The following CTTNBP2 variants were observed in gnomAD, a reference collection of about 807,000 sequenced individuals.
CTTNBP2 encodes the protein cortactin-binding protein 2.
CTTNBP2 carries 108 observed loss-of-function variants against 156.9 expected under a neutral mutation model. The ratio of observed to expected loss-of-function variants is 0.69; its 90% CI spans 0.59 to 0.81. CTTNBP2 has a LOEUF of 0.81. Among genes scored for constraint, CTTNBP2 ranks in the 30% least tolerant of loss-of-function variants. The probability of loss-of-function intolerance (pLI) is 0.00; values close to 1 mark genes in which losing one functional copy is unlikely to be tolerated. For synonymous variants in CTTNBP2, 767 were observed against 751.8 expected, an observed-to-expected ratio of 1.02 and a Z score of -0.33; for missense variants, 1,924 against 2,035.4, an observed-to-expected ratio of 0.95 and a Z score of 1.05.
intron 3 of CTTNBP2, among the ~76,000 whole-genome samples, chr7:117,810,261 C>CA (rs1800191535): frequency 6.6e-6 from 1 of 152,208 alleles, no homozygotes; most frequent in Admixed American, 6.5e-5. Context: ...TGAGACTGGA[C>CA]ATACCACGCA....
At chr7:117,836,028 G>A (rs914702597) in intron 2 of CTTNBP2, among the ~76,000 whole-genome samples, 3 of 152,120 alleles carry the variant, frequency 2.0e-5, no homozygotes, top group South Asian at 2.1e-4. Flanking sequence ...GAAAAGTGTC[G>A]AGTTCTGTCA....
At chr7:117,770,881 C>A (rs1021364566) in intron 8 of CTTNBP2, among the ~76,000 whole-genome samples, 1 of 152,112 alleles carries the variant, frequency 6.6e-6, no homozygotes, top group Non-Finnish European at 1.5e-5. Context: ...GGCACGATGT[C>A]CTACCCAAGT....
At chr7:117,863,602 C>T (rs530120205) in intron 1 of CTTNBP2, among the ~76,000 whole-genome samples, 10 of 152,328 alleles carry the variant, frequency 6.6e-5, no homozygotes, top group African/African-American at 1.9e-4. Context: ...TGCTGGTCCA[C>T]GGACTACATG....
chr7:117,804,997 C>T (rs1435658621), intron 3 of CTTNBP2, among the ~76,000 whole-genome samples: 1 of 152,180 alleles, frequency 6.6e-6, no homozygotes, highest in Admixed American at 6.5e-5. Flanking sequence ...TCTGTGGTCT[C>T]TCTTCTTGAT....
intron 22 of CTTNBP2, among the ~76,000 whole-genome samples, chr7:117,715,475 T>TAAAAAAAAA (rs398048025): frequency 0.022 from 2,532 of 116,092 alleles, 120 homozygotes; most frequent in African/African-American, 0.075. Flanking sequence ...GCCCTGAAGT[T>TAAAAAAAAA]AAAAAAAAAA....
chr7:117,849,977 A>G (rs1802833716), intron 2 of CTTNBP2, among the ~76,000 whole-genome samples: 1 of 152,250 alleles, frequency 6.6e-6, no homozygotes, highest in Non-Finnish European at 1.5e-5. Flanking sequence ...GAGCCTTAAA[A>G]TGAGATAACA....
intron 19 of CTTNBP2, among the ~76,000 whole-genome samples, chr7:117,721,735 AAG>A (rs1198210123): frequency 2.6e-5 from 4 of 152,254 alleles, no homozygotes; most frequent in Non-Finnish European, 4.4e-5. Flanking sequence ...CAGTTAAAAA[AAG>A]AGAAAATAGC....
chr7:117,729,388 A>C (rs1355347694), intron 16 of CTTNBP2, among the ~76,000 whole-genome samples: 2 of 152,188 alleles, frequency 1.3e-5, no homozygotes, highest in East Asian at 1.9e-4. Context: ...CTATCCAATA[A>C]ATAGACTTTC....
At chr7:117,794,604 G>T (rs1799211710) in intron 3 of CTTNBP2, among the ~76,000 whole-genome samples, 1 of 152,202 alleles carries the variant, frequency 6.6e-6, no homozygotes, top group Admixed American at 6.5e-5. Context: ...CTCACAGTCA[G>T]TCATGGGACC....
At position 117,751,229 on chromosome 7, in the gene CTTNBP2, C is replaced by A. The variant is rs563101998; in HGVS notation, c.3349-5130G>T. ...GATTTCCACTACTGTTGATGTGGCA[C>A]CTGTAATGTGTTTGCAGAGCGGTGG... On this transcript the variant is annotated intron_variant, in intron 12 of 22. Transcript: ENST00000160373. Among the ~76,000 whole-genome samples the A allele has an allele frequency of 3.3e-5, 5 of 152,334 alleles. No homozygotes were observed. In the East Asian group the frequency reaches 9.6e-4, roughly 29 times the overall value.
Position 117,770,394 on chromosome 7 carries a change from T to TA in CTTNBP2, c.2779-3219dup, listed in dbSNP as rs1189183376. 3.3e-5 allele frequency among the ~76,000 whole-genome samples: 5 copies of TA among 152,338 alleles called. No individual in the cohort carries two copies. In the East Asian group the frequency reaches 7.7e-4, roughly 23 times the overall value. ...AGAGTAGCACATAGCCAAACACTAC[T>TA]ACAAGAGTAAATTCTGCAGTGTGTG... On this transcript the variant is annotated intron_variant, in intron 8 of 22. Transcript: ENST00000160373.
At chr7:117,811,165 G>T (rs1026427174) in intron 2 of CTTNBP2, among the ~76,000 whole-genome samples, 176 bp from the exon 3 acceptor site, 2 of 152,146 alleles carry the variant, frequency 1.3e-5, no homozygotes, top group African/African-American at 4.8e-5. Context: ...CACTAGCCTG[G>T]AATGCCATTC....
chr7:117,746,249 A>G (rs1475891751), intron 12 of CTTNBP2, 150 bp from the exon 13 acceptor site: 1 of 616,500 alleles, frequency 1.6e-6, no homozygotes, highest in East Asian at 2.8e-5. Flanking sequence ...ATCATTGGAC[A>G]CCTGTACTCT....
At chr7:117,840,433 G>GGA (rs1436959249) in intron 2 of CTTNBP2, among the ~76,000 whole-genome samples, 2 of 152,050 alleles carry the variant, frequency 1.3e-5, no homozygotes, top group African/African-American at 4.8e-5. Flanking sequence ...GGCCACCTGG[G>GGA]GAGGATCATT....
chr7:117,739,567 TA>T (rs1795885596), intron 14 of CTTNBP2, among the ~76,000 whole-genome samples: 1 of 152,192 alleles, frequency 6.6e-6, no homozygotes, highest in South Asian at 2.1e-4. Context: ...ATCCTTATAT[TA>T]AAAGTCCCAG....
chr7:117,865,595 T>C (rs1038285346), intron 1 of CTTNBP2, among the ~76,000 whole-genome samples: 2 of 143,792 alleles, frequency 1.4e-5, no homozygotes, highest in African/African-American at 2.6e-5. Context: ...GAGAATTGCT[T>C]GAACCCAGGA....
intron 2 of CTTNBP2, among the ~76,000 whole-genome samples, chr7:117,845,393 A>G (rs34148077): frequency 0.018 from 2,712 of 152,204 alleles, 53 homozygotes; most frequent in Admixed American, 0.059. Flanking sequence ...TTTTTGAGAG[A>G]TCTGTATTAT....
At chr7:117,766,264 C>A (rs1039906936) in intron 9 of CTTNBP2, among the ~76,000 whole-genome samples, 1 of 151,964 alleles carries the variant, frequency 6.6e-6, no homozygotes, top group Admixed American at 6.6e-5. Context: ...ATAAATAAAG[C>A]CTTCTGTCAA....
At chr7:117,845,075 T>C (rs1802506244) in intron 2 of CTTNBP2, among the ~76,000 whole-genome samples, 1 of 152,140 alleles carries the variant, frequency 6.6e-6, no homozygotes. Flanking sequence ...GGATGTTTTT[T>C]TTCTCCAGGC....
Sources: gnomAD v4.1 joint callset for allele counts (sites outside exome capture counted in the v4.1 genomes callset) on GRCh38, gnomAD v4.1.1 for gene constraint, MANE v1.5 for transcripts, NCBI Gene and HGNC (gene_info 2026-07-23, HGNC 2026-07-21) for gene names.